The following GREP1 variants were observed in gnomAD, a reference collection of about 807,000 sequenced individuals.
GREP1 encodes the protein glycine-rich extracellular protein 1.
In GREP1 at chr16:2,994,843, G is replaced by A. The variant is rs1371707059; in HGVS notation, c.448+5G>A. The stretch of plus-strand genomic sequence containing the variant: ...CCGTCAAACCCCAGAAGCCAGGTGA[G>A]CCCTGCCCCGGCCTGTCCCTCTGCC... On this transcript the variant is annotated splice_donor_5th_base_variant and intron_variant, in intron 12 of 34. Transcript: ENST00000573315. 2.5e-6 allele frequency: 1 copy of A among 399,154 alleles called. No homozygotes were observed. The highest frequency in any genetic ancestry group is 2.1e-5 in the African/African-American group (1 of 48,630). The allele number at this position is 399,154 out of a possible 1,614,324, so 24.7% of individuals were successfully genotyped here.
At chr16:2,993,284 C>G (rs1221159496) in intron 10 of GREP1, 1 of 218,854 alleles carries the variant, frequency 4.6e-6, no homozygotes, top group African/African-American at 2.3e-5. Context: ...ACTAAAGGCT[C>G]AGAGAGCAGG....
chr16:2,995,155 C>T (rs1269872196), intron 13 of GREP1, 129 bp from the exon 15 acceptor site: 2 of 395,500 alleles, frequency 5.1e-6, no homozygotes, highest in African/African-American at 2.1e-5. Context: ...GACAAGCCCC[C>T]CACCTCAGAA....
Position 2,994,739 on chromosome 16 carries a change from GCTGGGGTTTGGGGAGGCC to G in GREP1, c.415+14_415+31del, listed in dbSNP as rs1567397633. ...TGGCTATAGACCAGGTAGGGGCGGG[GCTGGGGTTTGGGGAGGCC>G]CAGAGCTGGGGCCCCAGGTTCCTCA... is the stretch of plus-strand genomic sequence containing the variant. On this transcript the variant is annotated intron_variant, in intron 11 of 34. Coordinates refer to ENST00000573315, the Ensembl canonical transcript of GREP1. 5.0e-6 allele frequency: 2 copies of G among 399,100 alleles called. No individual in the cohort carries two copies. Among genetic ancestry groups the G allele is most frequent in the East Asian group, 7.1e-5 (2 of 28,066 alleles). 24.7% of individuals were successfully genotyped at this position (399,100 alleles called of 1,614,324 possible). A position where few individuals can be genotyped will look rare whatever the true frequency, so the allele number is the denominator to read the frequency against.
At chr16:3,001,861 C>T in exon 35 of GREP1, 1 of 381,502 alleles carries the variant, frequency 2.6e-6, no homozygotes, top group Non-Finnish European at 4.6e-6. Flanking sequence ...AGAAAACAGA[C>T]TCGATCAACG....
At chr16:2,995,888 C>A in exon 18 of GREP1, 1 of 398,402 alleles carries the variant, frequency 2.5e-6, no homozygotes, top group South Asian at 1.3e-4. Context: ...CAGGGGCCTT[C>A]CCTGGGGCTG....
At chr16:2,996,841 G>T in intron 20 of GREP1, 136 bp downstream of exon 19, 1 of 398,996 alleles carries the variant, frequency 2.5e-6, no homozygotes, top group South Asian at 1.3e-4. Context: ...ACCGAGGACC[G>T]AGGGGAGAGG....
rs531753637 is a variant in GREP1, at chr16:2,991,147, G to A, written c.322+46G>A. ...GCAGGACCTGGGCTTCCAGGAGGGAGGGGGAAGGGGCAGAGCAGAGTCAGG... is the reference window on the plus strand; with the variant it reads ...GCAGGACCTGGGCTTCCAGGAGGGAAGGGGAAGGGGCAGAGCAGAGTCAGG... On this transcript the variant is annotated intron_variant, in intron 8 of 34. Coordinates refer to ENST00000573315, the Ensembl canonical transcript of GREP1. The surrounding 1 kb of genome is among the most constrained non-coding windows in gnomAD (Gnocchi z 4.9). 3.2e-3 allele frequency: 1,275 copies of A among 399,270 alleles called. 3 individuals carry two copies. Among genetic ancestry groups the A allele is most frequent in the Non-Finnish European group, 4.4e-3 (990 of 226,256 alleles). 24.7% of individuals were successfully genotyped at this position (399,270 alleles called of 1,614,324 possible).
rs1296383505 is a variant in GREP1, at chr16:2,992,972, C to G, written c.385+9C>G. The G allele has an allele frequency of 2.3e-5, 9 of 398,970 alleles. No homozygotes were observed. The highest frequency in any genetic ancestry group is 2.7e-5 in the Non-Finnish European group (6 of 226,090). 24.7% of individuals were successfully genotyped at this position (398,970 alleles called of 1,614,324 possible). A position where few individuals can be genotyped will look rare whatever the true frequency, so the allele number is the denominator to read the frequency against. ...AAAACCCCAGAAGCCAGGTGAGCCA[C>G]TCCCTGTCCCTGTCTCCCTGCCCAT... On this transcript the variant is annotated intron_variant, in intron 10 of 34. Coordinates refer to ENST00000573315, the Ensembl canonical transcript of GREP1. This position sits in a 1 kb window ranked among gnomAD's most constrained non-coding sequence, Gnocchi z 4.9.
At position 2,993,144 on chromosome 16, in the gene GREP1, T is replaced by C. The variant is rs1596461735; in HGVS notation, c.385+181T>C. On this transcript the variant is annotated intron_variant, in intron 10 of 34. Transcript: ENST00000573315. ...CCAGGCAGGTAAGGCCCTGGAGTTC[T>C]GGGAGCATGGAGGTCTTAGGGGTTG... The C allele has an allele frequency of 1.8e-5, 7 of 389,566 alleles. No individual in the cohort carries two copies. The East Asian group carries it at 2.2e-4, about 12-fold the overall frequency. 24.1% of individuals were successfully genotyped at this position (389,566 alleles called of 1,614,324 possible).
intron 1 of GREP1, 114 bp downstream of exon 1, chr16:2,988,454 G>A (rs957824684): frequency 5.0e-6 from 2 of 399,160 alleles, no homozygotes; most frequent in Non-Finnish European, 8.8e-6. Context: ...GGAGGGCTGG[G>A]GTGTGGAAAG....
rs2072388626 is a variant in GREP1, at chr16:2,989,637, CG to C, written c.130+91del. 5.8e-6 allele frequency: 2 copies of C among 347,098 alleles called. No individual in the cohort carries two copies. The highest frequency in any genetic ancestry group is 1.7e-4 in the South Asian group (1 of 5,946). The allele number at this position is 347,098 out of a possible 1,614,324, so 21.5% of individuals were successfully genotyped here. A position where few individuals can be genotyped will look rare whatever the true frequency, so the allele number is the denominator to read the frequency against. On this transcript the variant is annotated intron_variant, in intron 3 of 34. Transcript: ENST00000573315. This position sits in a 1 kb window ranked among gnomAD's most constrained non-coding sequence, Gnocchi z 4.2. ...CAGGACAGGAACAGGGAAAGCTGGG[CG>C]GGGGGCAGGTAAAGGGGGAAGCAGT...
intron 27 of GREP1, among the ~76,000 whole-genome samples, chr16:2,999,479 C>CT (rs35368761): frequency 0.05 from 3,732 of 75,308 alleles, 206 homozygotes; most frequent in African/African-American, 0.11. Flanking sequence ...CCCTCTTGCT[C>CT]TTTTTTTTTT....
chr16:2,990,714 CAG>C, intron 7 of GREP1, 127 bp downstream of exon 6: 1 of 398,358 alleles, frequency 2.5e-6, no homozygotes, highest in East Asian at 3.6e-5. Context: ...TCCCAGGCCT[CAG>C]AGAGGGCAGA....
In GREP1 at chr16:2,995,734, TCCAGGC is replaced by T. The variant is rs570934588; in HGVS notation, c.590-3_592del. On this transcript the variant is annotated splice_acceptor_variant and splice_polypyrimidine_tract_variant and coding_sequence_variant and intron_variant, in exon 17 of 35. Coordinates refer to ENST00000573315, the Ensembl canonical transcript of GREP1. LOFTEE classifies it high-confidence loss of function. ...CACTCACCAGCCCCCCTATATCTCC[TCCAGGC>T]CTTGGAGGGAATGTGAAGCCTCTGA... is the stretch of plus-strand genomic sequence containing the variant. The T allele has an allele frequency of 5.9e-4, 234 of 398,668 alleles. No homozygotes were observed. The highest frequency in any genetic ancestry group is 4.3e-3 in the African/African-American group (208 of 48,698). 24.7% of individuals were successfully genotyped at this position (398,668 alleles called of 1,614,324 possible).
In GREP1 at chr16:2,990,312, C is replaced by G. The variant is rs541783160; in HGVS notation, c.200-143C>G. On this transcript the variant is annotated intron_variant, in intron 5 of 34. Coordinates refer to ENST00000573315, the Ensembl canonical transcript of GREP1. ...GACCCCAAACCTCCTCAGCTCACCTCTCTCTCTCCCACGAGCCCTTCCACT... is the reference window on the plus strand; with the variant it reads ...GACCCCAAACCTCCTCAGCTCACCTGTCTCTCTCCCACGAGCCCTTCCACT... 2.0e-5 allele frequency: 8 copies of G among 398,014 alleles called. No individual in the cohort carries two copies. In the South Asian group the frequency reaches 9.8e-4, roughly 49 times the overall value. The allele number at this position is 398,014 out of a possible 1,614,324, so 24.7% of individuals were successfully genotyped here. A position where few individuals can be genotyped will look rare whatever the true frequency, so the allele number is the denominator to read the frequency against.
intron 23 of GREP1, 117 bp from the exon 22 acceptor site, chr16:2,998,239 C>G (rs2072437260): frequency 2.5e-6 from 1 of 397,970 alleles, no homozygotes; most frequent in Admixed American, 4.4e-5. Flanking sequence ...AGGGACCTGG[C>G]TGGGGCTCCT....
intron 16 of GREP1, 21 bp from the exon 17 acceptor site, chr16:2,995,718 G>A: frequency 2.5e-6 from 1 of 398,706 alleles, no homozygotes; most frequent in Non-Finnish European, 4.4e-6. Context: ...TCACTCACCA[G>A]CCCCCCTATA....
At chr16:3,001,178 G>A in intron 33 of GREP1, 103 bp from the exon 28 acceptor site, 1 of 399,134 alleles carries the variant, frequency 2.5e-6, no homozygotes, top group Non-Finnish European at 4.4e-6. Context: ...TGAGCCCTGG[G>A]CCCTCCGGGG....
At position 2,989,331 on chromosome 16, in the gene GREP1, G is replaced by T; in HGVS notation, c.101-192G>T. ...CAGCAGGGAAACTGAGACCTGGAAA[G>T]GGAGGTGGCATCCAGATTTGGGCCC... is the stretch of plus-strand genomic sequence containing the variant. On this transcript the variant is annotated intron_variant, in intron 2 of 34. Coordinates refer to ENST00000573315, the Ensembl canonical transcript of GREP1. The surrounding 1 kb of genome is among the most constrained non-coding windows in gnomAD (Gnocchi z 4.2). 2.5e-6 allele frequency: 1 copy of T among 396,646 alleles called. No individual in the cohort carries two copies. The highest frequency in any genetic ancestry group is 4.4e-6 in the Non-Finnish European group (1 of 225,196). 24.6% of individuals were successfully genotyped at this position (396,646 alleles called of 1,614,324 possible).
Sources: gnomAD v4.1 joint callset for allele counts (sites outside exome capture counted in the v4.1 genomes callset) on GRCh38, gnomAD v4.1.1 for gene constraint, Gnocchi (gnomAD v3.1) non-coding constraint, MANE v1.5 for transcripts, NCBI Gene and HGNC (gene_info 2026-07-23, HGNC 2026-07-21) for gene names.